The following ARID4B variants were observed in gnomAD, a reference collection of about 807,000 sequenced individuals.
ARID4B encodes the protein AT-rich interaction domain 4B.
In ARID4B, 26 loss-of-function variants were observed where a neutral mutation model predicts 147.5. The observed-to-expected ratio is 0.18, with a 90% confidence interval of 0.13 to 0.24. The LOEUF is 0.24. ARID4B is among the 10% of genes least tolerant of loss of function. The pLI is 1.00. For missense variants in ARID4B, 1,179 were observed against 1,511.5 expected, an observed-to-expected ratio of 0.78 and a Z score of 3.65; for synonymous variants, 512 against 507.9, an observed-to-expected ratio of 1.01 and a Z score of -0.11.
rs1668597409 is a variant in ARID4B, at chr1:235,236,833, A to ATATATATATATATATATATATATGTGT, written c.586-2342_586-2341insACACATATATATATATATATATATATA. Among the ~76,000 whole-genome samples, 326 of 33,502 alleles carry ATATATATATATATATATATATATGTGT rather than the reference A, an allele frequency of 9.7e-3. 40 individuals carry two copies. Among genetic ancestry groups the ATATATATATATATATATATATATGTGT allele is most frequent in the East Asian group, 0.021 (14 of 670 alleles). 22.0% of individuals were successfully genotyped at this position (33,502 alleles called of 152,430 possible). On this transcript the variant is annotated intron_variant, in intron 8 of 23. Coordinates refer to ENST00000264183, the MANE Select transcript of ARID4B (RefSeq NM_016374.6). ...TGGCCCACAAAACGGTTTTATAAAAAATATATATATATATATATATATATA... is the reference window on the plus strand; with the variant it reads ...TGGCCCACAAAACGGTTTTATAAAAATATATATATATATATATATATATGTGTATATATATATATATATATATATATA...
At chr1:235,173,381 AC>A (rs1222362978) in intron 22 of ARID4B, among the ~76,000 whole-genome samples, 1 of 151,916 alleles carries the variant, frequency 6.6e-6, no homozygotes, top group African/African-American at 2.4e-5. Context: ...AAAACAAAAA[AC>A]CTGGAAAGAC....
intron 7 of ARID4B, 67 bp downstream of exon 7, chr1:235,246,353 A>G: frequency 7.7e-7 from 1 of 1,292,162 alleles, no homozygotes; most frequent in Non-Finnish European, 1.1e-6. Context: ...ATTTTAAAAT[A>G]ACTATAAACA....
Position 235,206,684 on chromosome 1 carries a change from A to G in ARID4B, c.1841+7085T>C, listed in dbSNP as rs980862302. Reference sequence around the variant, plus strand: ...GGAAGGAGTGATCAACTGACTGTAAAGCCACTGATAAGGTACGTAAGAGGG... The same window carrying G: ...GGAAGGAGTGATCAACTGACTGTAAGGCCACTGATAAGGTACGTAAGAGGG... On this transcript the variant is annotated intron_variant, in intron 17 of 23. Coordinates refer to ENST00000264183, the MANE Select transcript of ARID4B (RefSeq NM_016374.6). 1.1e-4 allele frequency among the ~76,000 whole-genome samples: 16 copies of G among 152,338 alleles called. No individual in the cohort carries two copies. In the Middle Eastern group the frequency reaches 0.01, roughly 97 times the overall value.
At chr1:235,211,107 G>A (rs1666688209) in intron 17 of ARID4B, among the ~76,000 whole-genome samples, 1 of 152,204 alleles carries the variant, frequency 6.6e-6, no homozygotes, top group Admixed American at 6.5e-5. Flanking sequence ...GCTGAGGCAG[G>A]TGGATCACCT....
chr1:235,292,934 G>A (rs1273285577), intron 2 of ARID4B, among the ~76,000 whole-genome samples: 4 of 152,242 alleles, frequency 2.6e-5, no homozygotes, highest in South Asian at 2.1e-4. Flanking sequence ...AGAAAGCTCC[G>A]AGGGAAGGTT....
intron 3 of ARID4B, 82 bp from the exon 4 acceptor site, chr1:235,257,307 T>A: frequency 1.1e-6 from 1 of 917,446 alleles, no homozygotes; most frequent in Non-Finnish European, 1.8e-6. Flanking sequence ...TCATTTGTAG[T>A]AAAAGAAATA....
intron 17 of ARID4B, among the ~76,000 whole-genome samples, chr1:235,203,493 A>G (rs11811126): frequency 1.8e-3 from 277 of 152,328 alleles, no homozygotes; most frequent in Non-Finnish European, 3.3e-3. Context: ...TCAAATTAAT[A>G]TAAACTTGAA....
At chr1:235,232,613 A>G (rs1379308036) in intron 9 of ARID4B, among the ~76,000 whole-genome samples, 1 of 151,510 alleles carries the variant, frequency 6.6e-6, no homozygotes, top group African/African-American at 2.4e-5. Context: ...ACACACCTGT[A>G]GTGCTAGCTA....
chr1:235,171,938 G>C (rs1346023123), intron 23 of ARID4B, among the ~76,000 whole-genome samples: 1 of 152,112 alleles, frequency 6.6e-6, no homozygotes, highest in East Asian at 1.9e-4. Flanking sequence ...CACTGTGCCC[G>C]GCCTCCTCCC....
At chr1:235,268,065 T>C (rs1349572208) in intron 2 of ARID4B, among the ~76,000 whole-genome samples, 1 of 151,814 alleles carries the variant, frequency 6.6e-6, no homozygotes, top group Non-Finnish European at 1.5e-5. Flanking sequence ...TACAAGGCAG[T>C]GAAGAGGAGG....
chr1:235,208,782 G>A (rs1284474716), intron 17 of ARID4B, among the ~76,000 whole-genome samples: 1 of 152,104 alleles, frequency 6.6e-6, no homozygotes, highest in Admixed American at 6.6e-5. Context: ...CTCCCAAAGT[G>A]CTGGGATTAC....
At chr1:235,215,729 C>CT (rs1334382254) in intron 16 of ARID4B, among the ~76,000 whole-genome samples, 6 of 151,716 alleles carry the variant, frequency 4.0e-5, no homozygotes, top group East Asian at 1.9e-4. Context: ...ACTACAGGCA[C>CT]ACACCACCAC....
At chr1:235,235,498 G>A (rs1668494701) in intron 8 of ARID4B, among the ~76,000 whole-genome samples, 1 of 152,214 alleles carries the variant, frequency 6.6e-6, no homozygotes, top group Non-Finnish European at 1.5e-5. Flanking sequence ...TGACACTGGT[G>A]TATGAGTAAG....
intron 2 of ARID4B, among the ~76,000 whole-genome samples, chr1:235,298,080 G>T (rs879424135): frequency 5.3e-5 from 8 of 152,170 alleles, no homozygotes; most frequent in Admixed American, 5.2e-4. Context: ...GTTCAAGTGT[G>T]TCAGAGATAC....
chr1:235,243,096 T>G (rs1051918919), intron 7 of ARID4B, among the ~76,000 whole-genome samples: 1 of 152,202 alleles, frequency 6.6e-6, no homozygotes, highest in African/African-American at 2.4e-5. Flanking sequence ...AATTTTTTTT[T>G]GTTTATTGAT....
chr1:235,319,997 CA>C (rs2103303472), intron 2 of ARID4B, among the ~76,000 whole-genome samples: 1 of 152,040 alleles, frequency 6.6e-6, no homozygotes, highest in Admixed American at 6.5e-5. Context: ...CATGGTGGCA[CA>C]TGCCTGTAGT....
At chr1:235,291,414 AT>A (rs539465787) in intron 2 of ARID4B, among the ~76,000 whole-genome samples, 168 of 152,102 alleles carry the variant, frequency 1.1e-3, no homozygotes, top group African/African-American at 3.8e-3. Context: ...TCTCAAAAAA[AT>A]AATAAATAAA....
intron 17 of ARID4B, among the ~76,000 whole-genome samples, chr1:235,206,841 G>A (rs1666338142): frequency 6.6e-6 from 1 of 152,218 alleles, no homozygotes; most frequent in Non-Finnish European, 1.5e-5. Flanking sequence ...TGAGTAACAA[G>A]TGTAGGTAAC....
At chr1:235,312,499 G>A (rs1225701932) in intron 2 of ARID4B, among the ~76,000 whole-genome samples, 1 of 152,172 alleles carries the variant, frequency 6.6e-6, no homozygotes, top group Non-Finnish European at 1.5e-5. Context: ...AATGTTTACA[G>A]AAAATCTTTA....
Sources: allele counts gnomAD v4.1 joint callset (sites outside exome capture counted in the v4.1 genomes callset), GRCh38; gene constraint gnomAD v4.1.1; transcripts MANE v1.5; gene names NCBI Gene and HGNC (gene_info 2026-07-23, HGNC 2026-07-21).